The following EYA1 variants were observed in gnomAD, a reference collection of about 807,000 sequenced individuals.
The protein encoded by EYA1 is EYA transcriptional coactivator and phosphatase 1, also known as protein phosphatase EYA1.
A neutral mutation model predicts 82.0 loss-of-function variants in EYA1; 16 were observed. The ratio of observed to expected loss-of-function variants is 0.20; its 90% CI spans 0.13 to 0.30. The LOEUF is 0.30. Among genes scored for constraint, EYA1 ranks in the 10% least tolerant of loss-of-function variants. The pLI is 1.00. For synonymous variants in EYA1, 261 were observed against 264.4 expected (o/e 0.99, Z 0.12); for missense variants, 633 against 730.7 (o/e 0.87, Z 1.54).
At chr8:71,308,960 T>C (rs933244965) in intron 7 of EYA1, among the ~76,000 whole-genome samples, 2 of 152,238 alleles carry the variant, frequency 1.3e-5, no homozygotes, top group African/African-American at 2.4e-5. Flanking sequence ...CCATGGGCTA[T>C]GTCCATCATC....
intron 2 of EYA1, among the ~76,000 whole-genome samples, chr8:71,464,680 A>T (rs1808650636): frequency 6.6e-6 from 1 of 152,236 alleles, no homozygotes. Flanking sequence ...TATTAATATA[A>T]TTTGAGATTT....
At chr8:71,378,714 T>C (rs1200634020) in intron 2 of EYA1, among the ~76,000 whole-genome samples, 1 of 152,218 alleles carries the variant, frequency 6.6e-6, no homozygotes, top group Non-Finnish European at 1.5e-5. Context: ...ATCATTGGAT[T>C]GCCTTGTATA....
At chr8:71,347,219 G>C (rs1825824919) in intron 3 of EYA1, among the ~76,000 whole-genome samples, 1 of 152,186 alleles carries the variant, frequency 6.6e-6, no homozygotes, top group Admixed American at 6.5e-5. Flanking sequence ...AAAGGCCTTT[G>C]TATCTCTTCT....
intron 9 of EYA1, 108 bp downstream of exon 9, chr8:71,298,938 CA>C: frequency 9.5e-7 from 1 of 1,057,602 alleles, no homozygotes; most frequent in Non-Finnish European, 1.5e-6. Context: ...TAGTCCTTGC[CA>C]AAAGCTGCCA....
At chr8:71,539,903 A>C (rs1815011900) in intron 1 of EYA1, among the ~76,000 whole-genome samples, 2 of 152,206 alleles carry the variant, frequency 1.3e-5, no homozygotes, top group Admixed American at 6.5e-5. Context: ...GAAAACATTA[A>C]ATTGAGACTA....
chr8:71,406,688 G>A (rs1485490051), intron 2 of EYA1, among the ~76,000 whole-genome samples: 1 of 152,154 alleles, frequency 6.6e-6, no homozygotes, highest in Non-Finnish European at 1.5e-5. Flanking sequence ...CCGCTCACCA[G>A]GAGATTACAT....
At chr8:71,544,816 C>T (rs137878613) in intron 1 of EYA1, among the ~76,000 whole-genome samples, 8 of 152,264 alleles carry the variant, frequency 5.3e-5, no homozygotes, top group South Asian at 2.1e-4. Flanking sequence ...GTTTTCAAGT[C>T]GTAATTCTGC....
intron 2 of EYA1, among the ~76,000 whole-genome samples, chr8:71,421,709 G>A (rs1041450163): frequency 1.3e-5 from 2 of 152,154 alleles, no homozygotes; most frequent in African/African-American, 4.8e-5. Flanking sequence ...GATTGGCTTT[G>A]TCCAGCTCTT....
chr8:71,280,528 C>G (rs564188392), intron 9 of EYA1, among the ~76,000 whole-genome samples: 1 of 152,320 alleles, frequency 6.6e-6, no homozygotes, highest in Middle Eastern at 3.4e-3. Context: ...GGTTCAACCT[C>G]TACAGTCAGA....
intron 2 of EYA1, among the ~76,000 whole-genome samples, chr8:71,472,017 A>G (rs1257675303): frequency 2.0e-5 from 3 of 152,098 alleles, no homozygotes; most frequent in Non-Finnish European, 4.4e-5. Context: ...TTCCCTAGGA[A>G]CCAAGAATCT....
intron 4 of EYA1, chr8:71,322,542 T>G (rs1325148487): frequency 2.3e-6 from 1 of 443,844 alleles, no homozygotes; most frequent in Non-Finnish European, 4.2e-6. Flanking sequence ...GCTGGCATGC[T>G]GTGAGTTTTT....
chr8:71,252,468 A>T (rs987640688), intron 11 of EYA1, among the ~76,000 whole-genome samples: 3 of 152,150 alleles, frequency 2.0e-5, no homozygotes, highest in Non-Finnish European at 4.4e-5. Context: ...GGCACTTTCG[A>T]TAGAATGTTC....
chr8:71,361,785 G>C lies in EYA1; in HGVS notation c.-193C>G, dbSNP rs1032731378. The C allele has an allele frequency of 1.0e-6, 1 of 985,474 alleles. No individual in the cohort carries two copies. Among genetic ancestry groups the C allele is most frequent in the African/African-American group, 1.7e-5 (1 of 57,366 alleles). The allele number at this position is 985,474 out of a possible 1,614,324, so 61.0% of individuals were successfully genotyped here. ...TCAGGCGCTCTGGTGCAGCCGCGGC[G>C]CTTCTGGGAGTGGAGCGCCTCTGCA... On this transcript the variant is annotated 5_prime_UTR_variant, in exon 1 of 18. Transcript: ENST00000340726.
intron 1 of EYA1, among the ~76,000 whole-genome samples, chr8:71,540,625 A>G (rs1344010072): frequency 1.3e-5 from 2 of 152,208 alleles, no homozygotes; most frequent in African/African-American, 4.8e-5. Flanking sequence ...TTTATTTCAT[A>G]CATGACATGT....
intron 11 of EYA1, among the ~76,000 whole-genome samples, chr8:71,259,518 G>A (rs186009293): frequency 2.8e-4 from 42 of 152,296 alleles, no homozygotes; most frequent in African/African-American, 9.6e-4. Context: ...AGAGTTATGC[G>A]TTGAACTAAA....
At chr8:71,531,998 A>G (rs7824076) in intron 2 of EYA1, among the ~76,000 whole-genome samples, 15,326 of 152,202 alleles carry the variant, frequency 0.1, 2,623 homozygotes, top group African/African-American at 0.35. Flanking sequence ...GATCAAAATA[A>G]GAAGTAACTT....
chr8:71,415,407 C>T (rs1030372995), intron 2 of EYA1, among the ~76,000 whole-genome samples: 2 of 152,176 alleles, frequency 1.3e-5, no homozygotes, highest in Non-Finnish European at 2.9e-5. Flanking sequence ...ACTCTTACTG[C>T]CATGTTACAG....
At position 71,294,435 on chromosome 8, in the gene EYA1, G is replaced by A. The variant is rs193112756; in HGVS notation, c.826+4612C>T. On this transcript the variant is annotated intron_variant, in intron 9 of 17. Coordinates refer to ENST00000340726, the MANE Select transcript of EYA1 (RefSeq NM_000503.6). ...AGATAGCGCCACGCCCTCCAGCCTG[G>A]GCGACAAGGAGACTCCGTCTCAAAA... Among the ~76,000 whole-genome samples, 1,053 of 150,228 alleles carry A rather than the reference G, an allele frequency of 7.0e-3. 6 individuals carry two copies. Among genetic ancestry groups the A allele is most frequent in the Non-Finnish European group, 0.011 (765 of 67,768 alleles).
chr8:71,545,827 T>C (rs1165710941), intron 1 of EYA1, among the ~76,000 whole-genome samples: 1 of 152,184 alleles, frequency 6.6e-6, no homozygotes, highest in Admixed American at 6.5e-5. Flanking sequence ...CCCAAAGTGA[T>C]GGGATTACAG....
Sources: allele counts gnomAD v4.1 joint callset (sites outside exome capture counted in the v4.1 genomes callset), GRCh38; gene constraint gnomAD v4.1.1; transcripts MANE v1.5; gene names NCBI Gene and HGNC (gene_info 2026-07-23, HGNC 2026-07-21).